Variants in PXDNL observed in about 807,000 individuals in gnomAD.
The protein encoded by PXDNL is peroxidasin like, also known as probable oxidoreductase PXDNL.
PXDNL carries 145 observed loss-of-function variants against 150.8 expected under a neutral mutation model. The observed-to-expected ratio is 0.96, with a 90% CI of 0.84 to 1.10. The LOEUF (loss-of-function observed/expected upper bound fraction) is 1.10. PXDNL is among the 50% of genes least tolerant of loss of function. The pLI is 0.00. For missense variants in PXDNL, 2,087 were observed against 1,873.9 expected (o/e 1.11, Z -2.10); for synonymous variants, 757 against 725.7 (o/e 1.04, Z -0.69).
chr8:51,628,862 A>G (rs1232511315), intron 2 of PXDNL, among the ~76,000 whole-genome samples: 1 of 152,132 alleles, frequency 6.6e-6, no homozygotes, highest in Non-Finnish European at 1.5e-5. Flanking sequence ...ACTAACAGCA[A>G]ACAGCTACAG....
intron 1 of PXDNL, among the ~76,000 whole-genome samples, chr8:51,779,759 G>A (rs1402140146): frequency 6.6e-6 from 1 of 152,238 alleles, no homozygotes; most frequent in Non-Finnish European, 1.5e-5. Context: ...CTTTTCAGCT[G>A]TGACAATGAT....
chr8:51,715,422 T>C (rs1446390490), intron 1 of PXDNL, among the ~76,000 whole-genome samples: 1 of 152,172 alleles, frequency 6.6e-6, no homozygotes, highest in Non-Finnish European at 1.5e-5. Flanking sequence ...CCACACACGA[T>C]TTTAATCACT....
chr8:51,482,646 C>A (rs779778706), intron 6 of PXDNL, among the ~76,000 whole-genome samples: 1 of 152,128 alleles, frequency 6.6e-6, no homozygotes, highest in Non-Finnish European at 1.5e-5. Context: ...CAGTTTCCCC[C>A]ATATTGTTCT....
At chr8:51,769,463 TC>T (rs1374086727) in intron 1 of PXDNL, among the ~76,000 whole-genome samples, 1 of 152,240 alleles carries the variant, frequency 6.6e-6, no homozygotes, top group African/African-American at 2.4e-5. Context: ...GTTTTCCACT[TC>T]TGGATTTGTG....
chr8:51,494,707 A>G (rs1811001934), intron 5 of PXDNL, among the ~76,000 whole-genome samples: 1 of 152,164 alleles, frequency 6.6e-6, no homozygotes, highest in Non-Finnish European at 1.5e-5. Flanking sequence ...TGGTGAAGGG[A>G]TCAATTCAAC....
chr8:51,761,230 A>G (rs1221389394), intron 1 of PXDNL, among the ~76,000 whole-genome samples: 1 of 151,916 alleles, frequency 6.6e-6, no homozygotes, highest in African/African-American at 2.4e-5. Context: ...ATTACTTGAT[A>G]TTTACAAACA....
At chr8:51,587,999 A>G (rs1458107240) in intron 3 of PXDNL, among the ~76,000 whole-genome samples, 1 of 152,200 alleles carries the variant, frequency 6.6e-6, no homozygotes, top group South Asian at 2.1e-4. Context: ...TAAATGAAAT[A>G]CACAGGGTAC....
chr8:51,464,020 TAA>T (rs5891415), intron 8 of PXDNL, among the ~76,000 whole-genome samples: 30,547 of 132,634 alleles, frequency 0.23, 4,193 homozygotes, highest in African/African-American at 0.41. Context: ...CTAAAGGAAC[TAA>T]AAAAAAAAAA....
chr8:51,741,577 A>G (rs550591136), intron 1 of PXDNL, among the ~76,000 whole-genome samples: 1 of 152,350 alleles, frequency 6.6e-6, no homozygotes, highest in South Asian at 2.1e-4. Flanking sequence ...TCAATCTAAG[A>G]AATGTTAAGG....
intron 3 of PXDNL, among the ~76,000 whole-genome samples, chr8:51,590,732 T>C (rs529157608): frequency 2.6e-5 from 4 of 152,156 alleles, no homozygotes; most frequent in African/African-American, 9.6e-5. Flanking sequence ...CTTGTTTTTT[T>C]TTATTTCACA....
rs1211912447 is a variant in PXDNL, at chr8:51,480,965, G to A, written c.524+2678C>T. On this transcript the variant is annotated intron_variant, in intron 6 of 22. Transcript: ENST00000356297. Reference sequence around the variant, plus strand: ...AAGAACAGACTAATATAATAAATTGGTACTGGGAGTGGGGCACTGCTGTAA... The same window carrying A: ...AAGAACAGACTAATATAATAAATTGATACTGGGAGTGGGGCACTGCTGTAA... Among the ~76,000 whole-genome samples, 3 of 152,120 alleles carry A rather than the reference G, an allele frequency of 2.0e-5. No individual in the cohort carries two copies. The East Asian group carries it at 5.8e-4, about 29-fold the overall frequency.
intron 21 of PXDNL, among the ~76,000 whole-genome samples, chr8:51,333,704 T>A (rs1188758288): frequency 2.0e-5 from 3 of 151,992 alleles, no homozygotes; most frequent in African/African-American, 7.2e-5. Flanking sequence ...AAAGCATCAG[T>A]GGTTAAAAGA....
intron 12 of PXDNL, among the ~76,000 whole-genome samples, chr8:51,442,227 A>T (rs1213987787): frequency 6.6e-6 from 1 of 150,798 alleles, no homozygotes; most frequent in African/African-American, 2.4e-5. Flanking sequence ...TGTGGGTTAC[A>T]TATTGTTTTC....
At chr8:51,471,018 CA>C (rs11375028) in intron 8 of PXDNL, among the ~76,000 whole-genome samples, 370 of 136,370 alleles carry the variant, frequency 2.7e-3, no homozygotes, top group African/African-American at 6.7e-3. Context: ...TTCTGCACAG[CA>C]AAAAAAAAAA....
At chr8:51,744,961 A>C (rs376614650) in intron 1 of PXDNL, among the ~76,000 whole-genome samples, 1 of 130,454 alleles carries the variant, frequency 7.7e-6, no homozygotes, top group Non-Finnish European at 1.6e-5. Context: ...AGAAAGAAAG[A>C]AAGAAAGAAA....
At chr8:51,467,295 C>T (rs186393760) in intron 8 of PXDNL, among the ~76,000 whole-genome samples, 9 of 152,076 alleles carry the variant, frequency 5.9e-5, no homozygotes, top group Non-Finnish European at 8.8e-5. Context: ...GGAACAACAA[C>T]GACAACAAAC....
intron 20 of PXDNL, among the ~76,000 whole-genome samples, chr8:51,341,643 C>T (rs1378987576): frequency 1.3e-5 from 2 of 152,166 alleles, no homozygotes; most frequent in Non-Finnish European, 2.9e-5. Flanking sequence ...CCCCTGGCAA[C>T]CACCATTCTA....
intron 1 of PXDNL, among the ~76,000 whole-genome samples, chr8:51,676,082 A>G (rs989605695): frequency 1.3e-5 from 2 of 152,214 alleles, no homozygotes; most frequent in African/African-American, 2.4e-5. Context: ...ATCACATGGA[A>G]GAACAGATAT....
chr8:51,605,625 C>T (rs973051741), intron 2 of PXDNL, among the ~76,000 whole-genome samples: 28 of 152,056 alleles, frequency 1.8e-4, no homozygotes, highest in Admixed American at 1.6e-3. Flanking sequence ...CATTTGATTT[C>T]CTAAATGTAG....
Sources: gnomAD v4.1 joint callset for allele counts (sites outside exome capture counted in the v4.1 genomes callset) on GRCh38, gnomAD v4.1.1 for gene constraint, MANE v1.5 for transcripts, NCBI Gene and HGNC (gene_info 2026-07-23, HGNC 2026-07-21) for gene names.